The following ROPN1 variants were observed in gnomAD, a reference collection of about 807,000 sequenced individuals.
ROPN1 encodes the protein rhophilin associated tail protein 1.
Under a neutral mutation model 20.5 loss-of-function variants are expected in ROPN1, and 14 were observed. The ratio of observed to expected loss-of-function variants is 0.68; its 90% CI spans 0.45 to 1.07. ROPN1 has a LOEUF of 1.07. ROPN1 is among the 50% of genes least tolerant of loss of function. The pLI is 0.00. For missense variants in ROPN1, 169 were observed against 242.8 expected (o/e 0.70, Z 2.02); for synonymous variants, 76 against 95.7 (o/e 0.79, Z 1.20).
intron 4 of ROPN1, among the ~76,000 whole-genome samples, chr3:123,974,000 A>G (rs748761983): frequency 2.6e-5 from 4 of 152,196 alleles, no homozygotes; most frequent in African/African-American, 4.8e-5. Context: ...TTCAACTGCC[A>G]TCTTGGAGAA....
chr3:123,981,699 G>A (rs914942629), intron 1 of ROPN1, among the ~76,000 whole-genome samples: 12 of 152,274 alleles, frequency 7.9e-5, no homozygotes, highest in Admixed American at 2.6e-4. Context: ...AGCATGGCTG[G>A]GAAATCCCAA....
intron 4 of ROPN1, chr3:123,974,761 T>G (rs1452547206): frequency 3.2e-5 from 5 of 157,192 alleles, no homozygotes; most frequent in African/African-American, 9.6e-5. Context: ...GCTTTAAATA[T>G]CTATACATAT....
At chr3:123,985,992 CAA>C (rs35677015) in intron 1 of ROPN1, among the ~76,000 whole-genome samples, 5,857 of 21,990 alleles carry the variant, frequency 0.27, 713 homozygotes, top group African/African-American at 0.5. Flanking sequence ...GACCTTGTCT[CAA>C]AAAAAAAAAA....
intron 4 of ROPN1, among the ~76,000 whole-genome samples, chr3:123,972,674 C>G (rs906011088): frequency 1.3e-5 from 2 of 152,134 alleles, no homozygotes; most frequent in African/African-American, 4.8e-5. Flanking sequence ...CTATTACCTA[C>G]CAGAGTAAAA....
chr3:123,977,219 A>T (rs1419660215), intron 2 of ROPN1, among the ~76,000 whole-genome samples: 1 of 152,222 alleles, frequency 6.6e-6, no homozygotes, highest in Non-Finnish European at 1.5e-5. Context: ...TTCTCTAAGG[A>T]TGAGGAAGAA....
intron 1 of ROPN1, among the ~76,000 whole-genome samples, chr3:123,986,112 TC>T (rs1222599593): frequency 6.6e-6 from 1 of 150,672 alleles, no homozygotes; most frequent in Non-Finnish European, 1.5e-5. Flanking sequence ...TTTCCAAAAT[TC>T]CCCCTTTACT....
At chr3:123,986,438 G>A (rs1243146946) in intron 1 of ROPN1, among the ~76,000 whole-genome samples, 1 of 152,168 alleles carries the variant, frequency 6.6e-6, no homozygotes, top group Non-Finnish European at 1.5e-5. Context: ...GACTGTGTGT[G>A]CTGTTGCACT....
At chr3:123,980,135 G>A in intron 2 of ROPN1, 1 of 577,784 alleles carries the variant, frequency 1.7e-6, no homozygotes. Context: ...TATTGACCTG[G>A]CGTCCTACTG....
intron 4 of ROPN1, among the ~76,000 whole-genome samples, chr3:123,972,304 T>C (rs1281400006): frequency 1.3e-5 from 2 of 152,260 alleles, no homozygotes; most frequent in Non-Finnish European, 2.9e-5. Flanking sequence ...TGGAGCTATT[T>C]GGTAAACTGA....
chr3:123,981,713 A>G (rs1401082438), intron 1 of ROPN1, among the ~76,000 whole-genome samples: 1 of 152,248 alleles, frequency 6.6e-6, no homozygotes, highest in African/African-American at 2.4e-5. Context: ...ATCCCAAGAC[A>G]AGAAACTAAA....
At chr3:123,976,568 G>A (rs2038028717) in intron 3 of ROPN1, among the ~76,000 whole-genome samples, 1 of 152,226 alleles carries the variant, frequency 6.6e-6, no homozygotes, top group Admixed American at 6.5e-5. Flanking sequence ...ACTGTCCAGT[G>A]ACTGAGGACT....
Position 123,969,071 on chromosome 3 carries a change from T to C in ROPN1, c.*84A>G, listed in dbSNP as rs571351689. Reference sequence around the variant, plus strand: ...GTGTGTACCAGTTGTACAAGAAAATTGATTTTGGGTGGTATATGGGTTTCA... The same window carrying C: ...GTGTGTACCAGTTGTACAAGAAAATCGATTTTGGGTGGTATATGGGTTTCA... On this transcript the variant is annotated 3_prime_UTR_variant, in exon 6 of 6. Transcript: ENST00000405845. The C allele has an allele frequency of 2.8e-6, 3 of 1,073,050 alleles. No homozygotes were observed. The South Asian group carries it at 3.8e-5, about 14-fold the overall frequency. 66.5% of individuals were successfully genotyped at this position (1,073,050 alleles called of 1,614,324 possible).
chr3:123,970,389 T>TA (rs1352911248), intron 4 of ROPN1, among the ~76,000 whole-genome samples, 172 bp from the exon 5 acceptor site: 1 of 152,228 alleles, frequency 6.6e-6, no homozygotes, highest in Non-Finnish European at 1.5e-5. Flanking sequence ...TAATTCATTC[T>TA]AAAAAATATT....
At chr3:123,988,170 G>C (rs1414483836) in intron 1 of ROPN1, among the ~76,000 whole-genome samples, 1 of 150,430 alleles carries the variant, frequency 6.6e-6, no homozygotes, top group Non-Finnish European at 1.5e-5. Flanking sequence ...TTTTTAGATG[G>C]AGTCTTGCTC....
At chr3:123,980,268 G>A (rs113457036) in intron 2 of ROPN1, 98 bp downstream of exon 2, 2 of 1,092,862 alleles carry the variant, frequency 1.8e-6, no homozygotes, top group Non-Finnish European at 1.4e-6. Flanking sequence ...CAGTTAGTCC[G>A]GACTTCCTAG....
intron 1 of ROPN1, 89 bp from the exon 2 acceptor site, chr3:123,980,582 T>C: frequency 8.3e-7 from 1 of 1,203,650 alleles, no homozygotes; most frequent in Non-Finnish European, 1.2e-6. Context: ...CCAGCCTCTG[T>C]TTGACACTCA....
chr3:123,978,266 G>T (rs1657864076), intron 2 of ROPN1, among the ~76,000 whole-genome samples: 1 of 151,930 alleles, frequency 6.6e-6, no homozygotes, highest in African/African-American at 2.4e-5. Context: ...CAGTGTTGGG[G>T]TGGGCGGGGT....
chr3:123,990,587 G>C (rs1374235806), intron 1 of ROPN1, among the ~76,000 whole-genome samples: 1 of 152,206 alleles, frequency 6.6e-6, no homozygotes, highest in South Asian at 2.1e-4. Flanking sequence ...AGGGTCATTT[G>C]TTCACATCAA....
At chr3:123,984,816 T>G (rs2038218227) in intron 1 of ROPN1, among the ~76,000 whole-genome samples, 1 of 152,220 alleles carries the variant, frequency 6.6e-6, no homozygotes, top group South Asian at 2.1e-4. Flanking sequence ...TCTATCCTTC[T>G]TTTCTCTCTT....
Sources: gnomAD v4.1 joint callset for allele counts (sites outside exome capture counted in the v4.1 genomes callset) on GRCh38, gnomAD v4.1.1 for gene constraint, MANE v1.5 for transcripts, NCBI Gene and HGNC (gene_info 2026-07-23, HGNC 2026-07-21) for gene names.